OXR1: variants seen among roughly 807,000 people sequenced by gnomAD.
OXR1 encodes oxidation resistance 1.
Under a neutral mutation model 104.6 loss-of-function variants are expected in OXR1, and 41 were observed. The ratio of observed to expected loss-of-function variants is 0.39; its 90% confidence interval spans 0.31 to 0.51. The LOEUF is 0.51. Ranked by LOEUF, OXR1 falls within the 20% of genes least tolerant of loss-of-function variation. The pLI, the probability that OXR1 is intolerant of heterozygous loss-of-function variation, is 0.77. For missense variants in OXR1, 955 were observed against 1,031.9 expected (o/e 0.93, Z 1.02); for synonymous variants, 348 against 348.4 (o/e 1.00, Z 0.01).
intron 3 of OXR1, among the ~76,000 whole-genome samples, chr8:106,527,937 A>G (rs1813812216): frequency 6.6e-6 from 1 of 152,240 alleles, no homozygotes; most frequent in African/African-American, 2.4e-5. Flanking sequence ...AAATGAAATT[A>G]GATCATTGAT....
At chr8:106,532,338 G>A (rs1814160532) in intron 3 of OXR1, among the ~76,000 whole-genome samples, 1 of 152,142 alleles carries the variant, frequency 6.6e-6, no homozygotes, top group Admixed American at 6.6e-5. Flanking sequence ...AAGAGCCTTG[G>A]CTCTGGAATT....
chr8:106,283,786 C>T (rs910340652), intron 1 of OXR1, among the ~76,000 whole-genome samples: 2 of 152,100 alleles, frequency 1.3e-5, no homozygotes, highest in Non-Finnish European at 2.9e-5. Context: ...GTAAAATCTG[C>T]TTCAGTTTAA....
chr8:106,537,330 T>C (rs1425047627), intron 3 of OXR1, among the ~76,000 whole-genome samples: 1 of 152,080 alleles, frequency 6.6e-6, no homozygotes, highest in Non-Finnish European at 1.5e-5. Flanking sequence ...GCTAGTACAG[T>C]GGAGCAAAGA....
chr8:106,398,982 A>T (rs949820821), intron 2 of OXR1, among the ~76,000 whole-genome samples: 3 of 152,148 alleles, frequency 2.0e-5, no homozygotes, highest in Non-Finnish European at 4.4e-5. Flanking sequence ...CCTCCCCAAC[A>T]AAGTCATCTC....
chr8:106,456,396 ATTAT>A (rs1563534252), intron 2 of OXR1, among the ~76,000 whole-genome samples: 2 of 152,210 alleles, frequency 1.3e-5, no homozygotes, highest in African/African-American at 2.4e-5. Flanking sequence ...CAGAATTAAC[ATTAT>A]TTATCTTAAA....
intron 3 of OXR1, among the ~76,000 whole-genome samples, chr8:106,602,548 G>A (rs1820050833): frequency 6.6e-6 from 1 of 152,164 alleles, no homozygotes; most frequent in African/African-American, 2.4e-5. Flanking sequence ...AGTAAATATT[G>A]AAAGAATAGG....
intron 3 of OXR1, among the ~76,000 whole-genome samples, chr8:106,610,375 C>T (rs1586893077): frequency 6.6e-6 from 1 of 152,328 alleles, no homozygotes; most frequent in South Asian, 2.1e-4. Flanking sequence ...TCCATCTTCT[C>T]ATTTGCAGCT....
chr8:106,663,233 G>A (rs1259565167), intron 3 of OXR1, among the ~76,000 whole-genome samples: 2 of 152,030 alleles, frequency 1.3e-5, no homozygotes, highest in Non-Finnish European at 2.9e-5. Flanking sequence ...TTTTCCTTTT[G>A]AAAAATCTGA....
At chr8:106,704,572 A>G (rs1830956479) in intron 8 of OXR1, among the ~76,000 whole-genome samples, 1 of 151,222 alleles carries the variant, frequency 6.6e-6, no homozygotes, top group African/African-American at 2.4e-5. Flanking sequence ...TAATTTTTGT[A>G]TTTTTAGTAG....
chr8:106,743,316 T>TTTG lies in OXR1; in HGVS notation c.2412+1017_2412+1019dup, dbSNP rs897629324. Among the ~76,000 whole-genome samples, 29 of 152,046 alleles carry TTTG rather than the reference T, an allele frequency of 1.9e-4. 1 individual carries two copies. The highest frequency in any genetic ancestry group is 3.4e-3 in the Middle Eastern group (1 of 294). On this transcript the variant is annotated intron_variant, in intron 15 of 16. Coordinates refer to ENST00000517566, the MANE Select transcript of OXR1 (RefSeq NM_001198533.2). The stretch of plus-strand genomic sequence containing the variant: ...TTGCAGAGAAAAAGGAATGTTTTAT[T>TTTG]TTGTTGTTGTTGTTGTTGTTTTTGA...
intron 2 of OXR1, among the ~76,000 whole-genome samples, chr8:106,420,156 A>C (rs767154181): frequency 2.7e-4 from 41 of 152,240 alleles, no homozygotes; most frequent in Admixed American, 1.8e-3. Flanking sequence ...AGAAACTGAC[A>C]CTGAAGCAAA....
At chr8:106,384,022 G>A (rs766210758) in intron 2 of OXR1, among the ~76,000 whole-genome samples, 8 of 152,162 alleles carry the variant, frequency 5.3e-5, no homozygotes, top group Non-Finnish European at 1.0e-4. Context: ...AAATGGGCAA[G>A]GGGGAAGACT....
intron 11 of OXR1, among the ~76,000 whole-genome samples, chr8:106,720,248 A>G (rs1318914541): frequency 6.6e-6 from 1 of 152,230 alleles, no homozygotes; most frequent in African/African-American, 2.4e-5. Flanking sequence ...GCTTTCAAAC[A>G]TATCATTGCC....
intron 3 of OXR1, among the ~76,000 whole-genome samples, chr8:106,543,265 A>T (rs1473888590): frequency 6.6e-6 from 1 of 151,818 alleles, no homozygotes; most frequent in Non-Finnish European, 1.5e-5. Context: ...TTGTTTTTTC[A>T]TCCTTTTTTT....
chr8:106,692,748 A>T lies in OXR1; in HGVS notation c.546A>T (p.Thr182=). 1 of 1,522,418 alleles carries T rather than the reference A, an allele frequency of 6.6e-7. No homozygotes were observed. The highest frequency in any genetic ancestry group is 8.8e-7 in the Non-Finnish European group (1 of 1,134,592). The allele number at this position is 1,522,418 out of a possible 1,614,324, so 94.3% of individuals were successfully genotyped here. ...DKTTNPDVHP[T]EATPSSTFTG... ...AAAAGAATCCTGATGTCCATCCAAC[A>T]GAAGCAACTCCCTCATCTACTTTCA... is the stretch of plus-strand genomic sequence containing the variant. Residue 182 remains threonine, a synonymous_variant, in exon 7 of 17, where the codon ACA becomes ACT. Coordinates refer to ENST00000517566, the MANE Select transcript of OXR1 (RefSeq NM_001198533.2).
chr8:106,673,783 GC>G (rs1827283453), intron 3 of OXR1, among the ~76,000 whole-genome samples: 1 of 152,148 alleles, frequency 6.6e-6, no homozygotes, highest in South Asian at 2.1e-4. Context: ...GCTAAAAAGG[GC>G]CAACATACAG....
chr8:106,607,031 A>G (rs1165185700), intron 3 of OXR1, among the ~76,000 whole-genome samples: 1 of 152,114 alleles, frequency 6.6e-6, no homozygotes, highest in Non-Finnish European at 1.5e-5. Flanking sequence ...CCTTTCACAA[A>G]CAGTAGTTTT....
chr8:106,547,932 T>G (rs1815500262), intron 3 of OXR1, among the ~76,000 whole-genome samples: 1 of 152,216 alleles, frequency 6.6e-6, no homozygotes, highest in Admixed American at 6.5e-5. Flanking sequence ...ACTATAAACA[T>G]GGACGTACAA....
intron 3 of OXR1, among the ~76,000 whole-genome samples, chr8:106,526,145 T>C (rs1433684867): frequency 6.6e-6 from 1 of 152,222 alleles, no homozygotes; most frequent in Non-Finnish European, 1.5e-5. Flanking sequence ...AGAGGTGATA[T>C]GTTATTCACG....
Sources: allele counts gnomAD v4.1 joint callset (sites outside exome capture counted in the v4.1 genomes callset), GRCh38; gene constraint gnomAD v4.1.1; transcripts MANE v1.5; gene names NCBI Gene and HGNC (gene_info 2026-07-23, HGNC 2026-07-21).